APBB2: variants seen among roughly 807,000 people sequenced by gnomAD.
APBB2 encodes amyloid beta precursor protein binding family B member 2, also known as Fe65-like 1.
In APBB2, 38 loss-of-function variants were observed where a neutral mutation model predicts 82.5. The observed-to-expected ratio is 0.46, with a 90% confidence interval of 0.36 to 0.60. APBB2 has a LOEUF of 0.60. Among genes scored for constraint, APBB2 ranks in the 20% least tolerant of loss-of-function variants. The pLI, the probability that APBB2 is intolerant of heterozygous loss-of-function variation, is 0.00. For synonymous variants in APBB2, 341 were observed against 368.2 expected (o/e 0.93, Z 0.85); for missense variants, 772 against 972.3 (o/e 0.79, Z 2.74).
At chr4:40,935,951 A>G (rs2154375991) in intron 7 of APBB2, among the ~76,000 whole-genome samples, 1 of 152,254 alleles carries the variant, frequency 6.6e-6, no homozygotes, top group South Asian at 2.1e-4. Context: ...TCTTTCTACT[A>G]GGCCTAGTGA....
At chr4:41,153,754 C>G (rs1441232153) in intron 1 of APBB2, among the ~76,000 whole-genome samples, 1 of 152,148 alleles carries the variant, frequency 6.6e-6, no homozygotes, top group Non-Finnish European at 1.5e-5. Context: ...GGCACTCCGG[C>G]TGTCAGAAAC....
intron 4 of APBB2, among the ~76,000 whole-genome samples, chr4:41,053,273 C>T (rs2341852): frequency 0.14 from 20,960 of 151,798 alleles, 1,771 homozygotes; most frequent in East Asian, 0.29. Context: ...CTAGAGACGA[C>T]AATTTTCATT....
At position 40,812,297 on chromosome 4, in the gene APBB2, C is replaced by T. The variant is rs894047566; in HGVS notation, c.*3795G>A. The stretch of plus-strand genomic sequence containing the variant: ...TGACTAAGATGTCAGATAAATGAGC[C>T]GAACGTTTTATGCAGCTAAATTTAT... On this transcript the variant is annotated 3_prime_UTR_variant, in exon 18 of 18. Transcript: ENST00000508593. 5.3e-5 allele frequency: 8 copies of T among 152,120 alleles called. No homozygotes were observed. Among genetic ancestry groups the T allele is most frequent in the Admixed American group, 1.3e-4 (2 of 15,270 alleles). The allele number at this position is 152,120 out of a possible 1,614,324, so 9.4% of individuals were successfully genotyped here.
intron 10 of APBB2, among the ~76,000 whole-genome samples, chr4:40,896,902 G>A (rs1434219545): frequency 6.6e-6 from 1 of 152,164 alleles, no homozygotes; most frequent in Non-Finnish European, 1.5e-5. Flanking sequence ...CACCAGGAGA[G>A]CATCTTAGTG....
At chr4:40,831,962 T>A (rs1752064750) in intron 12 of APBB2, among the ~76,000 whole-genome samples, 1 of 150,796 alleles carries the variant, frequency 6.6e-6, no homozygotes, top group Admixed American at 6.7e-5. Flanking sequence ...AGACAGCAGT[T>A]CAAAGATGAA....
chr4:40,945,858 T>C (rs1788234599), intron 6 of APBB2, among the ~76,000 whole-genome samples: 1 of 152,218 alleles, frequency 6.6e-6, no homozygotes, highest in Non-Finnish European at 1.5e-5. Flanking sequence ...TCCGCCAACC[T>C]TGGCCTCCCA....
chr4:41,145,646 A>C (rs1760509169), intron 1 of APBB2, among the ~76,000 whole-genome samples: 1 of 152,342 alleles, frequency 6.6e-6, no homozygotes, highest in Admixed American at 6.5e-5. Flanking sequence ...TGTCCTGAAC[A>C]GAAACTGCCT....
At chr4:40,995,435 G>A (rs555921496) in intron 6 of APBB2, among the ~76,000 whole-genome samples, 28 of 152,016 alleles carry the variant, frequency 1.8e-4, no homozygotes, top group African/African-American at 6.8e-4. Flanking sequence ...GAGTGTAGTG[G>A]CACCATCATA....
chr4:40,922,244 C>A (rs969625374), intron 10 of APBB2, among the ~76,000 whole-genome samples: 1 of 152,232 alleles, frequency 6.6e-6, no homozygotes, highest in Non-Finnish European at 1.5e-5. Flanking sequence ...CTGTAATTGT[C>A]ATTCTTAAAT....
intron 4 of APBB2, among the ~76,000 whole-genome samples, chr4:41,049,739 CTG>C (rs1265402718): frequency 3.9e-5 from 6 of 152,178 alleles, no homozygotes; most frequent in Admixed American, 6.5e-5. Context: ...GTTGCTGTGT[CTG>C]TGTAGAGAGA....
intron 3 of APBB2, among the ~76,000 whole-genome samples, chr4:41,069,140 T>G (rs1315177381): frequency 6.6e-6 from 1 of 152,114 alleles, no homozygotes; most frequent in African/African-American, 2.4e-5. Flanking sequence ...AATTCAAAGG[T>G]CCTTCCTACC....
chr4:40,978,754 T>TTTTAA (rs1797780799), intron 6 of APBB2, among the ~76,000 whole-genome samples: 1 of 152,148 alleles, frequency 6.6e-6, no homozygotes, highest in South Asian at 2.1e-4. Flanking sequence ...ATTTTATACT[T>TTTTAA]ACAAATAAAC....
intron 6 of APBB2, among the ~76,000 whole-genome samples, chr4:40,956,532 A>G (rs1239761834): frequency 6.6e-6 from 1 of 152,102 alleles, no homozygotes; most frequent in Non-Finnish European, 1.5e-5. Context: ...TTAGGTCTTG[A>G]AATGTCTACC....
rs71198606 is a variant in APBB2 at position 40,845,588 on chromosome 4, CAAAAAAAAAAAAAA to C, written c.1530-15025_1530-15012del. The stretch of plus-strand genomic sequence containing the variant: ...GAATCCAAATGAAAAGGAAATTCCT[CAAAAAAAAAAAAAA>C]AAAAAAAAAAAAACCAGCACACCAG... On this transcript the variant is annotated intron_variant, in intron 12 of 17. Transcript: ENST00000508593. Among the ~76,000 whole-genome samples the C allele has an allele frequency of 3.5e-5, 2 of 56,482 alleles. 1 individual carries two copies. Among genetic ancestry groups the C allele is most frequent in the Non-Finnish European group, 6.0e-5 (2 of 33,440 alleles). 37.1% of individuals were successfully genotyped at this position (56,482 alleles called of 152,430 possible).
At chr4:40,963,888 C>T (rs907196655) in intron 6 of APBB2, among the ~76,000 whole-genome samples, 2 of 152,152 alleles carry the variant, frequency 1.3e-5, no homozygotes, top group African/African-American at 2.4e-5. Flanking sequence ...TGCATTTACC[C>T]TTCTCTTTAG....
intron 17 of APBB2, among the ~76,000 whole-genome samples, chr4:40,820,697 A>C (rs975596031): frequency 1.3e-5 from 2 of 151,900 alleles, no homozygotes; most frequent in African/African-American, 2.4e-5. Context: ...TCTAAATACA[A>C]TCAATTCAAT....
At chr4:40,822,351 A>G (rs760530021) in intron 16 of APBB2, 17 of 280,844 alleles carry the variant, frequency 6.1e-5, no homozygotes, top group Non-Finnish European at 1.1e-4. Flanking sequence ...TGCCGTCCAT[A>G]CTTCTTACAT....
intron 4 of APBB2, among the ~76,000 whole-genome samples, chr4:41,052,061 T>C (rs1213212924): frequency 6.6e-6 from 1 of 152,162 alleles, no homozygotes; most frequent in Non-Finnish European, 1.5e-5. Flanking sequence ...AGCTTTTCAC[T>C]GGTTACCAAA....
At chr4:41,093,261 G>C (rs1298849466) in intron 3 of APBB2, among the ~76,000 whole-genome samples, 1 of 152,142 alleles carries the variant, frequency 6.6e-6, no homozygotes, top group Non-Finnish European at 1.5e-5. Context: ...TACCTCCTTA[G>C]GGCTCATGAG....
Sources: gnomAD v4.1 joint callset for allele counts (sites outside exome capture counted in the v4.1 genomes callset) on GRCh38, gnomAD v4.1.1 for gene constraint, MANE v1.5 for transcripts, NCBI Gene and HGNC (gene_info 2026-07-23, HGNC 2026-07-21) for gene names.